The following TAF4B variants were observed in gnomAD, a reference collection of about 807,000 sequenced individuals.
TAF4B encodes the protein transcription initiation factor TFIID subunit 4B.
A neutral mutation model predicts 86.4 loss-of-function variants in TAF4B; 38 were observed. The ratio of observed to expected loss-of-function variants is 0.44; its 90% CI spans 0.34 to 0.58. TAF4B has a LOEUF of 0.58. Among genes scored for constraint, TAF4B ranks in the 20% least tolerant of loss-of-function variants. The pLI is 0.02. For synonymous variants in TAF4B, 388 were observed against 391.2 expected (o/e 0.99, Z 0.10); for missense variants, 988 against 1,027.6 (o/e 0.96, Z 0.53).
At chr18:26,316,730 A>C (rs1314204327) in intron 10 of TAF4B, among the ~76,000 whole-genome samples, 1 of 152,138 alleles carries the variant, frequency 6.6e-6, no homozygotes, top group African/African-American at 2.4e-5. Flanking sequence ...GAAAAACTAG[A>C]GCTTTGAAGT....
chr18:26,267,466 A>G (rs753637492), intron 2 of TAF4B, 50 bp from the exon 3 acceptor site: 2 of 1,269,474 alleles, frequency 1.6e-6, no homozygotes, highest in Non-Finnish European at 2.3e-6. Flanking sequence ...CTGATCTTAA[A>G]TTACTAACGC....
intron 9 of TAF4B, among the ~76,000 whole-genome samples, chr18:26,300,595 CAT>C (rs2056720791): frequency 6.6e-6 from 1 of 150,828 alleles, no homozygotes; most frequent in Admixed American, 6.6e-5. Context: ...GATCAGAGAA[CAT>C]ATTCTTGAAC....
At chr18:26,328,148 T>G (rs2057020261) in intron 12 of TAF4B, among the ~76,000 whole-genome samples, 1 of 152,204 alleles carries the variant, frequency 6.6e-6, no homozygotes, top group Non-Finnish European at 1.5e-5. Context: ...AATTACTTTT[T>G]TAAAAACTAA....
chr18:26,240,259 T>G (rs2055816432), intron 1 of TAF4B, among the ~76,000 whole-genome samples: 2 of 152,358 alleles, frequency 1.3e-5, no homozygotes, highest in South Asian at 4.1e-4. Context: ...TTTTATTTCA[T>G]TGAGCAGTGG....
chr18:26,382,627 G>A (rs1459089651), intron 14 of TAF4B, among the ~76,000 whole-genome samples: 1 of 152,076 alleles, frequency 6.6e-6, no homozygotes, highest in African/African-American at 2.4e-5. Flanking sequence ...AGCTGACAAT[G>A]ACAGCAGGAT....
intron 12 of TAF4B, among the ~76,000 whole-genome samples, chr18:26,330,627 TTATA>T (rs1273919905): frequency 1.3e-5 from 2 of 152,152 alleles, no homozygotes; most frequent in African/African-American, 4.8e-5. Context: ...ATGTACACGT[TTATA>T]TATATACACA....
intron 1 of TAF4B, among the ~76,000 whole-genome samples, chr18:26,254,761 T>C (rs183046184): frequency 6.6e-6 from 1 of 152,372 alleles, no homozygotes; most frequent in Non-Finnish European, 1.5e-5. Context: ...GATTCTGCTT[T>C]AGAAGTTTTA....
At chr18:26,307,840 A>T (rs1741067137) in intron 9 of TAF4B, among the ~76,000 whole-genome samples, 1 of 152,090 alleles carries the variant, frequency 6.6e-6, no homozygotes, top group South Asian at 2.1e-4. Context: ...GTCCTTGTGT[A>T]TGCTCACGCT....
chr18:26,285,210 C>CTTTTATTTTTGG (rs1555677476), intron 6 of TAF4B, among the ~76,000 whole-genome samples: 2 of 42,516 alleles, frequency 4.7e-5, no homozygotes, highest in Non-Finnish European at 8.9e-5. Context: ...TCTTCCTTTC[C>CTTTTATTTTTGG]TTTTTTTTTT....
intron 1 of TAF4B, among the ~76,000 whole-genome samples, chr18:26,227,509 G>A (rs1364801860): frequency 3.3e-5 from 5 of 152,202 alleles, no homozygotes; most frequent in African/African-American, 1.2e-4. Flanking sequence ...GCGTATTCGG[G>A]GGGGCTTTCA....
intron 1 of TAF4B, among the ~76,000 whole-genome samples, chr18:26,231,496 T>C (rs1355543719): frequency 6.6e-6 from 1 of 151,618 alleles, no homozygotes; most frequent in African/African-American, 2.4e-5. Context: ...AGATTACAGG[T>C]GTGTGCCACC....
At chr18:26,291,323 C>T (rs902720633) in intron 7 of TAF4B, among the ~76,000 whole-genome samples, 4 of 151,230 alleles carry the variant, frequency 2.6e-5, no homozygotes, top group African/African-American at 9.7e-5. Flanking sequence ...TGCAGTGGTG[C>T]AATCTCAGCT....
intron 12 of TAF4B, 43 bp from the exon 13 acceptor site, chr18:26,335,132 A>G: frequency 7.3e-7 from 1 of 1,363,882 alleles, no homozygotes; most frequent in Non-Finnish European, 1.0e-6. Flanking sequence ...TATGGTGTTC[A>G]GATGCTAGTA....
rs189758535 is a variant in TAF4B, at chr18:26,328,160, G to A, written c.2259+1020G>A. Among the ~76,000 whole-genome samples the A allele has an allele frequency of 3.3e-5, 5 of 152,082 alleles. No individual in the cohort carries two copies. In the East Asian group the frequency reaches 5.8e-4, roughly 18 times the overall value. ...AGCAATTACTTTTTTAAAAACTAAC[G>A]TATTTTGAGGCCGGGCACAGTGGCT... On this transcript the variant is annotated intron_variant, in intron 12 of 14. Coordinates refer to ENST00000269142, the MANE Select transcript of TAF4B (RefSeq NM_005640.3).
At chr18:26,337,578 G>T (rs752608833) in intron 13 of TAF4B, among the ~76,000 whole-genome samples, 1 of 151,548 alleles carries the variant, frequency 6.6e-6, no homozygotes, top group Admixed American at 6.6e-5. Context: ...GCGTACCACC[G>T]CATCCAGCTA....
At chr18:26,346,801 GTATATATA>G (rs368950266) in intron 13 of TAF4B, among the ~76,000 whole-genome samples, 1 of 18,240 alleles carries the variant, frequency 5.5e-5, no homozygotes, top group Non-Finnish European at 1.7e-4. Flanking sequence ...ATATATATGT[GTATATATA>G]TATATATGTG....
At chr18:26,365,188 G>A (rs2057363772) in intron 14 of TAF4B, among the ~76,000 whole-genome samples, 1 of 151,700 alleles carries the variant, frequency 6.6e-6, no homozygotes, top group Non-Finnish European at 1.5e-5. Flanking sequence ...TGTATTTTTA[G>A]TACAGATGGG....
intron 12 of TAF4B, among the ~76,000 whole-genome samples, chr18:26,329,057 C>CT (rs368470926): frequency 1.6e-3 from 245 of 151,838 alleles, no homozygotes; most frequent in African/African-American, 5.1e-3. Context: ...TCCTCTTTCT[C>CT]TTTCCTTTTC....
At chr18:26,298,445 G>A (rs2144626790) in intron 9 of TAF4B, among the ~76,000 whole-genome samples, 1 of 152,102 alleles carries the variant, frequency 6.6e-6, no homozygotes, top group East Asian at 1.9e-4. Flanking sequence ...TGTTAGCCAG[G>A]GTGGTCTCAA....
Sources: allele counts gnomAD v4.1 joint callset (sites outside exome capture counted in the v4.1 genomes callset), GRCh38; gene constraint gnomAD v4.1.1; transcripts MANE v1.5; gene names NCBI Gene and HGNC (gene_info 2026-07-23, HGNC 2026-07-21).